The following ENTPD3 variants were observed in gnomAD, a reference collection of about 807,000 sequenced individuals.
The protein encoded by ENTPD3 is CD39 antigen-like 3.
Under a neutral mutation model 51.2 loss-of-function variants are expected in ENTPD3, and 60 were observed. That is an observed-to-expected ratio of 1.17 (90% CI 0.95 to 1.45). The LOEUF (loss-of-function observed/expected upper bound fraction) is 1.45. Among genes scored for constraint, ENTPD3 ranks in the 40% most tolerant of loss-of-function variants. The pLI, the probability that ENTPD3 is intolerant of heterozygous loss-of-function variation, is 0.00. For synonymous variants in ENTPD3, 221 were observed against 238.4 expected, an observed-to-expected ratio of 0.93 and a Z score of 0.67; for missense variants, 593 against 641.1, an observed-to-expected ratio of 0.93 and a Z score of 0.81.
At chr3:40,426,228 C>A (rs1468051087) in intron 10 of ENTPD3, among the ~76,000 whole-genome samples, 4 of 150,808 alleles carry the variant, frequency 2.7e-5, no homozygotes, top group African/African-American at 9.7e-5. Context: ...CCTGCCTCAG[C>A]CTCCTGAGTA....
chr3:40,420,643 T>G lies in ENTPD3; in HGVS notation c.832-2207T>G, dbSNP rs143802338. ...AAAATCATAGATTTTTTTCATACCA[T>G]AGAGGCAGAAAGGGGCCTGTTTGCC... is the stretch of plus-strand genomic sequence containing the variant. On this transcript the variant is annotated intron_variant, in intron 7 of 10. Coordinates refer to ENST00000301825, the MANE Select transcript of ENTPD3 (RefSeq NM_001248.4). 3.8e-3 allele frequency among the ~76,000 whole-genome samples: 583 copies of G among 152,254 alleles called. 2 individuals carry two copies. The highest frequency in any genetic ancestry group is 0.013 in the African/African-American group (541 of 41,546).
At chr3:40,422,514 C>G (rs13073946) in intron 7 of ENTPD3, among the ~76,000 whole-genome samples, 17 of 125,832 alleles carry the variant, frequency 1.4e-4, no homozygotes. Flanking sequence ...CCCCTCCCCC[C>G]ACCCCACAAC....
At chr3:40,405,798 C>T (rs181111342) in intron 4 of ENTPD3, among the ~76,000 whole-genome samples, 41 of 152,248 alleles carry the variant, frequency 2.7e-4, no homozygotes, top group Admixed American at 2.2e-3. Flanking sequence ...TCTCACCAGC[C>T]GCTAACCAGA....
At chr3:40,409,291 ATATTTATTTAAT>A (rs1955573910) in intron 4 of ENTPD3, among the ~76,000 whole-genome samples, 1 of 152,042 alleles carries the variant, frequency 6.6e-6, no homozygotes, top group Admixed American at 6.6e-5. Flanking sequence ...ATAAACATAT[ATATTTATTTAAT>A]TGTTGTTATT....
chr3:40,424,213 G>T, intron 10 of ENTPD3: 1 of 969,680 alleles, frequency 1.0e-6, no homozygotes, highest in Non-Finnish European at 1.2e-6. Flanking sequence ...CTGGAGGGCA[G>T]AGACCTGTCT....
intron 4 of ENTPD3, among the ~76,000 whole-genome samples, chr3:40,403,578 A>G (rs1955420979): frequency 6.6e-6 from 1 of 152,004 alleles, no homozygotes; most frequent in South Asian, 2.1e-4. Flanking sequence ...CTGGGACAAT[A>G]AGTCTATTTG....
At chr3:40,412,291 T>C (rs1306433482) in intron 5 of ENTPD3, among the ~76,000 whole-genome samples, 1 of 152,212 alleles carries the variant, frequency 6.6e-6, no homozygotes, top group Non-Finnish European at 1.5e-5. Flanking sequence ...ATTTGACACC[T>C]GTGAACAACC....
In ENTPD3 at chr3:40,428,206, C is replaced by T. The variant is rs571324427; in HGVS notation, c.*698C>T. On this transcript the variant is annotated 3_prime_UTR_variant, in exon 11 of 11. Coordinates refer to ENST00000301825, the MANE Select transcript of ENTPD3 (RefSeq NM_001248.4). ...GTGTTTGTCATCATCCTCATCTCAC[C>T]ATTGTATTGCTATGCCCTCCCATAA... 6.6e-6 allele frequency: 1 copy of T among 152,596 alleles called. No individual in the cohort carries two copies. Among genetic ancestry groups the T allele is most frequent in the Admixed American group, 6.5e-5 (1 of 15,344 alleles). 9.5% of individuals were successfully genotyped at this position (152,596 alleles called of 1,614,324 possible).
chr3:40,394,609 C>A lies in ENTPD3; in HGVS notation c.168+2459C>A, dbSNP rs1575208959. 2.6e-5 allele frequency among the ~76,000 whole-genome samples: 4 copies of A among 152,142 alleles called. No homozygotes were observed. The South Asian group carries it at 8.3e-4, about 32-fold the overall frequency. ...TGAATGACAGGTCCAGAACTGAAAC[C>A]TGGTCCCTTCTGTTCCCAAGGCCAG... On this transcript the variant is annotated intron_variant, in intron 3 of 10. Transcript: ENST00000301825.
chr3:40,410,331 C>T (rs1262028630), intron 4 of ENTPD3, among the ~76,000 whole-genome samples: 1 of 151,760 alleles, frequency 6.6e-6, no homozygotes, highest in Non-Finnish European at 1.5e-5. Context: ...ATCCCAGCTA[C>T]TTCGGAGGCT....
chr3:40,397,968 C>A (rs1955249141), intron 3 of ENTPD3, among the ~76,000 whole-genome samples: 1 of 152,152 alleles, frequency 6.6e-6, no homozygotes, highest in African/African-American at 2.4e-5. Context: ...CATCCCCTCT[C>A]CCCCAAAAGA....
At chr3:40,390,914 C>T (rs1955037016) in intron 2 of ENTPD3, 1 of 152,120 alleles carries the variant, frequency 6.6e-6, no homozygotes, top group African/African-American at 2.4e-5. Context: ...TACTTTTGAA[C>T]TTCAAATAAA....
chr3:40,393,306 C>T (rs1195652344), intron 3 of ENTPD3, among the ~76,000 whole-genome samples: 2 of 152,104 alleles, frequency 1.3e-5, no homozygotes, highest in Non-Finnish European at 2.9e-5. Context: ...TGTTTTTTGA[C>T]TCATTAAGAA....
At chr3:40,401,819 T>C (rs1453462275) in intron 4 of ENTPD3, among the ~76,000 whole-genome samples, 2 of 152,218 alleles carry the variant, frequency 1.3e-5, no homozygotes, top group African/African-American at 4.8e-5. Context: ...ATTTGGCCCA[T>C]GGGGTGCCAA....
In ENTPD3 at chr3:40,422,875, C is replaced by T. The variant is rs760859482; in HGVS notation, c.857C>T (p.Thr286Ile). Residue 286 changes from threonine (T) to isoleucine (I), a missense_variant, in exon 8 of 11, where the codon ACC (threonine) becomes ATC (isoleucine). Transcript: ENST00000301825. ...AATTCTCCTACCAAAAACCATCTCA[C>T]CAATCCCTGTTACCCTCGGGATTAT... ...LQNSPTKNHL[T>I]NPCYPRDYSI... 4 of 1,613,232 alleles carry T rather than the reference C, an allele frequency of 2.5e-6. No individual in the cohort carries two copies. In the East Asian group the frequency reaches 6.7e-5, roughly 27 times the overall value.
chr3:40,401,503 T>C (rs1305344653), intron 4 of ENTPD3, among the ~76,000 whole-genome samples: 8 of 152,188 alleles, frequency 5.3e-5, no homozygotes, highest in East Asian at 1.9e-4. Flanking sequence ...GCATTTATAA[T>C]GGGCAGTGAG....
chr3:40,423,235 CT>C, intron 8 of ENTPD3, 55 bp from the exon 9 acceptor site: 1 of 1,566,760 alleles, frequency 6.4e-7, no homozygotes, highest in Non-Finnish European at 8.8e-7. Flanking sequence ...ACCCATAAAC[CT>C]TTCTATTATA....
chr3:40,409,362 A>G (rs1955576371), intron 4 of ENTPD3, among the ~76,000 whole-genome samples: 1 of 152,212 alleles, frequency 6.6e-6, no homozygotes, highest in Non-Finnish European at 1.5e-5. Context: ...CCTGAGATCA[A>G]GCCACTGAGT....
intron 4 of ENTPD3, 52 bp downstream of exon 4, chr3:40,401,063 T>C (rs774065613): frequency 1.4e-6 from 2 of 1,424,554 alleles, no homozygotes; most frequent in South Asian, 2.3e-5. Context: ...GGTAGAGTTC[T>C]AAGTGTTTTG....
Sources: gnomAD v4.1 joint callset for allele counts (sites outside exome capture counted in the v4.1 genomes callset) on GRCh38, gnomAD v4.1.1 for gene constraint, MANE v1.5 for transcripts, NCBI Gene and HGNC (gene_info 2026-07-23, HGNC 2026-07-21) for gene names.